GRM5: variants seen among roughly 807,000 people sequenced by gnomAD.
The protein encoded by GRM5 is metabotropic glutamate receptor 5.
In GRM5, 19 loss-of-function variants were observed where a neutral mutation model predicts 83.1. The ratio of observed to expected loss-of-function variants is 0.23; its 90% CI spans 0.16 to 0.34. The LOEUF is 0.34. Among genes scored for constraint, GRM5 ranks in the 10% least tolerant of loss-of-function variants. The pLI, the probability that GRM5 is intolerant of heterozygous loss-of-function variation, is 1.00. For missense variants in GRM5, 1,160 were observed against 1,588.3 expected, an observed-to-expected ratio of 0.73 and a Z score of 4.58; for synonymous variants, 675 against 633.6, an observed-to-expected ratio of 1.07 and a Z score of -0.98.
At chr11:88,832,504 T>A (rs147290399) in intron 3 of GRM5, among the ~76,000 whole-genome samples, 43 of 152,248 alleles carry the variant, frequency 2.8e-4, no homozygotes, top group South Asian at 1.2e-3. Context: ...TATTCATAGA[T>A]TGAAAGAATT....
intron 2 of GRM5, among the ~76,000 whole-genome samples, chr11:89,003,275 C>G (rs1305112108): frequency 6.6e-6 from 1 of 152,074 alleles, no homozygotes; most frequent in African/African-American, 2.4e-5. Flanking sequence ...GACGGATAAC[C>G]GCAGTACAAT....
At position 88,618,244 on chromosome 11, in the gene GRM5, C is replaced by CA. The variant is rs544401353; in HGVS notation, c.1148-13281dup. The stretch of plus-strand genomic sequence containing the variant: ...AGTATTCTCCATTAGATTTAAACAG[C>CA]ACCCAAGATTGCATAACATTATATT... On this transcript the variant is annotated intron_variant, in intron 4 of 9. Transcript: ENST00000305447. Among the ~76,000 whole-genome samples the CA allele has an allele frequency of 7.4e-4, 113 of 152,288 alleles. 1 individual carries two copies. Among genetic ancestry groups the CA allele is most frequent in the African/African-American group, 2.7e-3 (111 of 41,570 alleles).
chr11:88,849,283 A>G (rs1944350830), intron 3 of GRM5, among the ~76,000 whole-genome samples: 1 of 152,150 alleles, frequency 6.6e-6, no homozygotes, highest in South Asian at 2.1e-4. Flanking sequence ...TCTCTGGAGA[A>G]TTTGACTAAT....
intron 2 of GRM5, among the ~76,000 whole-genome samples, chr11:88,995,198 A>T (rs994486344): frequency 6.6e-6 from 1 of 152,132 alleles, no homozygotes; most frequent in Non-Finnish European, 1.5e-5. Context: ...AAGATATGAA[A>T]TAAGAGATCC....
chr11:88,814,413 A>G (rs149363302), intron 3 of GRM5, among the ~76,000 whole-genome samples: 5 of 152,318 alleles, frequency 3.3e-5, no homozygotes, highest in South Asian at 2.1e-4. Flanking sequence ...TACAGCCTGC[A>G]AAACATACAG....
chr11:89,006,196 G>A (rs1940518450), intron 2 of GRM5, among the ~76,000 whole-genome samples: 1 of 152,186 alleles, frequency 6.6e-6, no homozygotes, highest in Non-Finnish European at 1.5e-5. Flanking sequence ...GCCTGGCTAT[G>A]CCATATACTG....
intron 5 of GRM5, among the ~76,000 whole-genome samples, chr11:88,601,706 C>A (rs547675504): frequency 6.6e-6 from 1 of 152,134 alleles, no homozygotes; most frequent in Non-Finnish European, 1.5e-5. Flanking sequence ...TGGGTGTCCA[C>A]GTTTCCTCTG....
chr11:88,652,595 G>T (rs779816681), intron 4 of GRM5, among the ~76,000 whole-genome samples: 26 of 151,974 alleles, frequency 1.7e-4, no homozygotes, highest in Non-Finnish European at 3.5e-4. Context: ...GCAAAATTTG[G>T]TACATTCTTA....
chr11:88,986,727 C>CTTTTT lies in GRM5; in HGVS notation c.661+60480_661+60484dup, dbSNP rs60281684. ...ATATAGTCAGATGAGTTTATTTTTG[C>CTTTTT]TTTTTTTTTTTTTTTTTTTTGCACT... On this transcript the variant is annotated intron_variant, in intron 2 of 9. Coordinates refer to ENST00000305447, the MANE Select transcript of GRM5 (RefSeq NM_001143831.3). Among the ~76,000 whole-genome samples the CTTTTT allele has an allele frequency of 4.6e-4, 43 of 93,098 alleles. 1 individual carries two copies. Among genetic ancestry groups the CTTTTT allele is most frequent in the African/African-American group, 1.0e-3 (25 of 24,836 alleles). 61.1% of individuals were successfully genotyped at this position (93,098 alleles called of 152,430 possible).
At chr11:89,004,429 C>CA (rs1054327180) in intron 2 of GRM5, among the ~76,000 whole-genome samples, 52 of 152,202 alleles carry the variant, frequency 3.4e-4, no homozygotes, top group African/African-American at 1.2e-3. Context: ...TTATCTCTGT[C>CA]AAAAATCTCT....
intron 2 of GRM5, among the ~76,000 whole-genome samples, chr11:89,032,019 T>TTCA (rs1941273041): frequency 6.6e-6 from 1 of 152,096 alleles, no homozygotes; most frequent in Non-Finnish European, 1.5e-5. Context: ...TCATAAATAT[T>TTCA]GCATACATAT....
At chr11:88,807,852 G>A (rs1004339693) in intron 3 of GRM5, among the ~76,000 whole-genome samples, 3 of 151,884 alleles carry the variant, frequency 2.0e-5, no homozygotes, top group Non-Finnish European at 4.4e-5. Context: ...TGAGTTATAC[G>A]TATTAGTCAA....
At chr11:88,723,972 A>G (rs1458169140) in intron 3 of GRM5, among the ~76,000 whole-genome samples, 1 of 152,140 alleles carries the variant, frequency 6.6e-6, no homozygotes, top group Non-Finnish European at 1.5e-5. Flanking sequence ...GATATCCATT[A>G]CCTAAATAGT....
chr11:88,634,740 T>C (rs1249607520), intron 4 of GRM5, among the ~76,000 whole-genome samples: 5 of 152,230 alleles, frequency 3.3e-5, no homozygotes, highest in Non-Finnish European at 7.3e-5. Context: ...TAAAAATATA[T>C]AATAGTAAAT....
At chr11:88,586,974 T>G (rs1038207867) in intron 7 of GRM5, among the ~76,000 whole-genome samples, 5 of 152,196 alleles carry the variant, frequency 3.3e-5, no homozygotes, top group African/African-American at 1.2e-4. Context: ...TAATCTTCAT[T>G]TGTAACACTC....
chr11:88,943,670 T>C (rs1938185092), intron 2 of GRM5, among the ~76,000 whole-genome samples: 1 of 152,010 alleles, frequency 6.6e-6, no homozygotes, highest in South Asian at 2.1e-4. Context: ...CAACAAAAAG[T>C]AGTTTTAGTA....
intron 3 of GRM5, among the ~76,000 whole-genome samples, chr11:88,811,688 G>A (rs1943590729): frequency 6.6e-6 from 1 of 152,086 alleles, no homozygotes; most frequent in Non-Finnish European, 1.5e-5. Context: ...GACAAGATGA[G>A]AAGTAATGAT....
rs1418842749 is a variant in GRM5 at position 88,880,153 on chromosome 11, T to G, written c.662-29998A>C. Reference sequence around the variant, plus strand: ...AGGCATGAAATAGACAGCATGCAATTTTTGGCTGTTTGATTGCCAACAAAG... The same window carrying G: ...AGGCATGAAATAGACAGCATGCAATGTTTGGCTGTTTGATTGCCAACAAAG... On this transcript the variant is annotated intron_variant, in intron 2 of 9. Coordinates refer to ENST00000305447, the MANE Select transcript of GRM5 (RefSeq NM_001143831.3). Among the ~76,000 whole-genome samples, 3 of 152,008 alleles carry G rather than the reference T, an allele frequency of 2.0e-5. No individual in the cohort carries two copies. In the East Asian group the frequency reaches 5.8e-4, roughly 29 times the overall value.
At chr11:88,515,463 T>C (rs1941495393) in intron 9 of GRM5, among the ~76,000 whole-genome samples, 1 of 152,184 alleles carries the variant, frequency 6.6e-6, no homozygotes. Context: ...TAAAGGATTT[T>C]GAATGTTCAC....
Sources: allele counts gnomAD v4.1 joint callset (sites outside exome capture counted in the v4.1 genomes callset), GRCh38; gene constraint gnomAD v4.1.1; transcripts MANE v1.5; gene names NCBI Gene and HGNC (gene_info 2026-07-23, HGNC 2026-07-21).